SMARCA2: variants seen among roughly 807,000 people sequenced by gnomAD.
SMARCA2 encodes the protein SWI/SNF-related matrix-associated actin-dependent regulator of chromatin subfamily A member 2.
A neutral mutation model predicts 199.8 loss-of-function variants in SMARCA2; 61 were observed. The ratio of observed to expected loss-of-function variants is 0.31; its 90% CI spans 0.25 to 0.38. The LOEUF (loss-of-function observed/expected upper bound fraction) is 0.38. Among genes scored for constraint, SMARCA2 ranks in the 10% least tolerant of loss-of-function variants. The probability of loss-of-function intolerance (pLI) is 1.00; values close to 1 mark genes in which losing one functional copy is unlikely to be tolerated. For missense variants in SMARCA2, 1,344 were observed against 2,012.2 expected, an observed-to-expected ratio of 0.67 and a Z score of 6.35; for synonymous variants, 935 against 732.0, an observed-to-expected ratio of 1.28 and a Z score of -4.48.
At chr9:2,152,045 G>A (rs1825106755) in intron 27 of SMARCA2, among the ~76,000 whole-genome samples, 1 of 151,676 alleles carries the variant, frequency 6.6e-6, no homozygotes, top group African/African-American at 2.4e-5. Context: ...GACTATAGGA[G>A]GACTTTTGAC....
intron 15 of SMARCA2, 27 bp downstream of exon 15, chr9:2,082,022 C>A: frequency 1.2e-6 from 2 of 1,600,346 alleles, no homozygotes; most frequent in South Asian, 1.1e-5. Context: ...ATTCCACAGT[C>A]ATCGTTCTGT....
chr9:2,146,447 C>G (rs961275372), intron 27 of SMARCA2, among the ~76,000 whole-genome samples: 7 of 152,134 alleles, frequency 4.6e-5, no homozygotes, highest in African/African-American at 1.2e-4. Flanking sequence ...ACCACTTACT[C>G]AAAGTTAGCC....
rs113042952 is a variant in SMARCA2 at position 2,115,761 on chromosome 9, C to G, written c.3457-61C>G. 232 of 1,353,964 alleles carry G rather than the reference C, an allele frequency of 1.7e-4. No individual in the cohort carries two copies. The African/African-American group carries it at 2.8e-3, about 16-fold the overall frequency. 83.9% of individuals were successfully genotyped at this position (1,353,964 alleles called of 1,614,324 possible). Reference sequence around the variant, plus strand: ...TCCATATTTCCCTCTGGGGTGGGGTCCGGTTTTGGATGCCTATGCCAGGCA... The same window carrying G: ...TCCATATTTCCCTCTGGGGTGGGGTGCGGTTTTGGATGCCTATGCCAGGCA... On this transcript the variant is annotated intron_variant, in intron 24 of 33. Transcript: ENST00000349721. The surrounding 1 kb of genome is among the most constrained non-coding windows in gnomAD (Gnocchi z 6.0).
Position 2,039,450 on chromosome 9 carries a change from T to G in SMARCA2, c.356-16T>G. 6 of 1,602,558 alleles carry G rather than the reference T, an allele frequency of 3.7e-6. No individual in the cohort carries two copies. The highest frequency in any genetic ancestry group is 5.1e-6 in the Non-Finnish European group (6 of 1,172,794). On this transcript the variant is annotated splice_polypyrimidine_tract_variant and intron_variant, in intron 3 of 33. Coordinates refer to ENST00000349721, the MANE Select transcript of SMARCA2 (RefSeq NM_003070.5). The surrounding 1 kb of genome is among the most constrained non-coding windows in gnomAD (Gnocchi z 4.8). The stretch of plus-strand genomic sequence containing the variant: ...GTCAGGGGCAGCCTGTGATTTCCTT[T>G]TGTGTTTTATTTTAGGTTATATGTC...
intron 1 of SMARCA2, among the ~76,000 whole-genome samples, chr9:2,023,215 TTTG>T (rs1391213089): frequency 6.6e-6 from 1 of 152,168 alleles, no homozygotes; most frequent in Non-Finnish European, 1.5e-5. Context: ...TGCTGCCGAG[TTTG>T]TTGTTATCTT....
At chr9:2,122,667 C>T (rs752624917) in intron 26 of SMARCA2, among the ~76,000 whole-genome samples, 24 of 152,058 alleles carry the variant, frequency 1.6e-4, no homozygotes, top group Middle Eastern at 3.2e-3. Context: ...TTTGGGTTTG[C>T]GTAGATATTT....
chr9:2,084,308 T>C, intron 17 of SMARCA2, 112 bp downstream of exon 17: 1 of 624,790 alleles, frequency 1.6e-6, no homozygotes, highest in Non-Finnish European at 2.8e-6. Flanking sequence ...TCCTTTTCTT[T>C]ATTTTTCTAA....
rs771165163 is a variant in SMARCA2 at position 2,084,215 on chromosome 9, A to G, written c.2526+19A>G. ...TGCAAAGGTATGTTTTTAAAAAATT[A>G]TTTTCTCTCTAATTAGGACCATTGC... On this transcript the variant is annotated intron_variant, in intron 17 of 33. Coordinates refer to ENST00000349721, the MANE Select transcript of SMARCA2 (RefSeq NM_003070.5). 49 of 1,346,432 alleles carry G rather than the reference A, an allele frequency of 3.6e-5. No homozygotes were observed. Among genetic ancestry groups the G allele is most frequent in the Non-Finnish European group, 5.0e-5 (47 of 943,264 alleles). 83.4% of individuals were successfully genotyped at this position (1,346,432 alleles called of 1,614,324 possible).
At chr9:2,156,463 C>G (rs1382612416) in intron 27 of SMARCA2, among the ~76,000 whole-genome samples, 1 of 87,216 alleles carries the variant, frequency 1.1e-5, no homozygotes, top group Admixed American at 1.5e-4. Context: ...GAGTTTTGCT[C>G]TTGTTACCCA....
intron 24 of SMARCA2, among the ~76,000 whole-genome samples, chr9:2,112,677 G>C (rs1823055179): frequency 6.6e-6 from 1 of 152,142 alleles, no homozygotes; most frequent in Non-Finnish European, 1.5e-5. Context: ...AGTATTTCTA[G>C]CTGCCATAGG....
intron 3 of SMARCA2, among the ~76,000 whole-genome samples, chr9:2,034,612 G>A (rs1196361204): frequency 1.3e-5 from 2 of 152,238 alleles, no homozygotes; most frequent in Non-Finnish European, 2.9e-5. Context: ...TGTAATTAAT[G>A]TGTGTGTTTC....
intron 27 of SMARCA2, among the ~76,000 whole-genome samples, chr9:2,146,498 A>G (rs1824753790): frequency 6.6e-6 from 1 of 152,176 alleles, no homozygotes; most frequent in Admixed American, 6.5e-5. Context: ...CTTTGTGGTC[A>G]CCAGAAAGAT....
rs901335535 is a variant in SMARCA2, at chr9:2,132,796, G to A, written c.3981+8859G>A. Reference sequence around the variant, plus strand: ...TTAAGAGTGGTAACAGTTGTGAATTGTTTGGAAAAATACTTGATAGTAATA... The same window carrying A: ...TTAAGAGTGGTAACAGTTGTGAATTATTTGGAAAAATACTTGATAGTAATA... On this transcript the variant is annotated intron_variant, in intron 27 of 33. Coordinates refer to ENST00000349721, the MANE Select transcript of SMARCA2 (RefSeq NM_003070.5). Among the ~76,000 whole-genome samples, 3 of 152,154 alleles carry A rather than the reference G, an allele frequency of 2.0e-5. No homozygotes were observed. The East Asian group carries it at 5.8e-4, about 29-fold the overall frequency.
chr9:2,150,162 C>G (rs1368377838), intron 27 of SMARCA2, among the ~76,000 whole-genome samples: 3 of 151,628 alleles, frequency 2.0e-5, no homozygotes, highest in African/African-American at 4.8e-5. Flanking sequence ...ACACAGTATA[C>G]TTTTTGCATA....
chr9:2,032,008 C>T (rs1053940676), intron 2 of SMARCA2, among the ~76,000 whole-genome samples: 4 of 152,172 alleles, frequency 2.6e-5, no homozygotes, highest in African/African-American at 7.2e-5. Context: ...CAGATTCTTC[C>T]CATTTTTCTT....
chr9:2,150,424 C>T (rs374954699), intron 27 of SMARCA2, among the ~76,000 whole-genome samples: 100 of 151,724 alleles, frequency 6.6e-4, no homozygotes, highest in African/African-American at 2.3e-3. Flanking sequence ...GGACCATTCC[C>T]ATCTCCATCA....
At chr9:2,061,895 C>T (rs753914929) in intron 9 of SMARCA2, among the ~76,000 whole-genome samples, 1 of 152,160 alleles carries the variant, frequency 6.6e-6, no homozygotes, top group Non-Finnish European at 1.5e-5. Flanking sequence ...AAGAAGGCAC[C>T]TTCTTGCACT....
rs111258025 is a variant in SMARCA2 at position 2,066,383 on chromosome 9, T to C, written c.1693-4035T>C. On this transcript the variant is annotated intron_variant, in intron 9 of 33. Transcript: ENST00000349721. ...AGATTTCTTTCCCTCCTCAGCCCTG[T>C]TGTTGATTACTTTTTATACCTTCTG... 8.9e-3 allele frequency among the ~76,000 whole-genome samples: 1,354 copies of C among 152,342 alleles called. 22 individuals are homozygous for C. The highest frequency in any genetic ancestry group is 0.031 in the African/African-American group (1,278 of 41,574).
At chr9:2,158,407 T>G (rs1360705211) in intron 27 of SMARCA2, 2 of 152,896 alleles carry the variant, frequency 1.3e-5, no homozygotes, top group African/African-American at 4.8e-5. Flanking sequence ...GGAAGGAAAG[T>G]GTTAATTTCT....
Sources: gnomAD v4.1 joint callset for allele counts (sites outside exome capture counted in the v4.1 genomes callset) on GRCh38, gnomAD v4.1.1 for gene constraint, Gnocchi (gnomAD v3.1) non-coding constraint, MANE v1.5 for transcripts, NCBI Gene and HGNC (gene_info 2026-07-23, HGNC 2026-07-21) for gene names.